The following RPUSD3 variants were observed in gnomAD, a reference collection of about 807,000 sequenced individuals.
The protein encoded by RPUSD3 is mitochondrial mRNA pseudouridine synthase RPUSD3.
RPUSD3 carries 36 observed loss-of-function variants against 35.1 expected under a neutral mutation model. That is an observed-to-expected ratio of 1.02 (90% CI 0.79 to 1.35). The LOEUF is 1.35. Among genes scored for constraint, RPUSD3 ranks in the 40% most tolerant of loss-of-function variants. The probability of loss-of-function intolerance (pLI) is 0.00; values close to 1 mark genes in which losing one functional copy is unlikely to be tolerated. For missense variants in RPUSD3, 486 were observed against 441.9 expected, an observed-to-expected ratio of 1.10 and a Z score of -0.89; for synonymous variants, 202 against 187.8, an observed-to-expected ratio of 1.08 and a Z score of -0.62.
At chr3:9,838,857 G>C in intron 8 of RPUSD3, 175 bp downstream of exon 8, 1 of 712,076 alleles carries the variant, frequency 1.4e-6, no homozygotes, top group South Asian at 1.8e-5. Flanking sequence ...GCCCAAGAGA[G>C]TGAGTGTTAC....
At chr3:9,839,858 G>A (rs983145891) in intron 7 of RPUSD3, 8 of 213,272 alleles carry the variant, frequency 3.8e-5, no homozygotes, top group Middle Eastern at 1.7e-3. Flanking sequence ...GATTACAGGC[G>A]TGAGCCACCG....
intron 2 of RPUSD3, chr3:9,843,263 C>G (rs2082128907): frequency 3.0e-6 from 2 of 671,146 alleles, no homozygotes. Flanking sequence ...TTATTTGCAT[C>G]TTCTCCCCAC....
exon 4 of RPUSD3, chr3:9,842,076 G>A (rs1479087119): frequency 1.2e-6 from 2 of 1,609,788 alleles, no homozygotes; most frequent in Non-Finnish European, 1.7e-6. Context: ...CAGCTCTCCT[G>A]GTTTTCCTGG....
intron 2 of RPUSD3, chr3:9,843,233 C>T (rs1057495948): frequency 1.7e-6 from 1 of 589,464 alleles, no homozygotes; most frequent in African/African-American, 1.9e-5. Context: ...TGAGCGCCGG[C>T]TATGTGCAAG....
chr3:9,838,691 G>A (rs2082059731), intron 8 of RPUSD3, among the ~76,000 whole-genome samples: 1 of 152,190 alleles, frequency 6.6e-6, no homozygotes, highest in African/African-American at 2.4e-5. Flanking sequence ...GACTCTGGTA[G>A]TCTGGGCTTA....
chr3:9,839,582 GTT>G (rs146337360), intron 7 of RPUSD3: 8 of 144,688 alleles, frequency 5.5e-5, no homozygotes, highest in South Asian at 2.2e-4. Flanking sequence ...GCCAAGTGCA[GTT>G]TTTTTTTTTT....
Position 9,843,464 on chromosome 3 carries a change from C to G in RPUSD3, c.262+1G>C. Reference sequence around the variant, plus strand: ...GTGCGGCCGTGCCTCTCACCCCTCACCTTTCCGGTCCACCACGGCTGCCCG... The same window carrying G: ...GTGCGGCCGTGCCTCTCACCCCTCAGCTTTCCGGTCCACCACGGCTGCCCG... On this transcript the variant is annotated splice_donor_variant, in intron 2 of 8. Transcript: ENST00000383820. LOFTEE classifies it high-confidence loss of function. 10 of 1,613,948 alleles carry G rather than the reference C, an allele frequency of 6.2e-6. No homozygotes were observed. Among genetic ancestry groups the G allele is most frequent in the Non-Finnish European group, 8.5e-6 (10 of 1,179,938 alleles).
In RPUSD3 at chr3:9,843,228, G is replaced by C. The variant is rs938833717; in HGVS notation, c.262+237C>G. On this transcript the variant is annotated intron_variant, in intron 2 of 8. Coordinates refer to ENST00000383820, the Ensembl canonical transcript of RPUSD3. ...AGTATAGCAACTCCCGTAACTGAGCGCCGGCTATGTGCAAGGCTCGGTAGT... is the reference window on the plus strand; with the variant it reads ...AGTATAGCAACTCCCGTAACTGAGCCCCGGCTATGTGCAAGGCTCGGTAGT... 7 of 576,996 alleles carry C rather than the reference G, an allele frequency of 1.2e-5. No homozygotes were observed. In the African/African-American group the frequency reaches 1.3e-4, roughly 11 times the overall value. The allele number at this position is 576,996 out of a possible 1,614,324, so 35.7% of individuals were successfully genotyped here. A position where few individuals can be genotyped will look rare whatever the true frequency, so the allele number is the denominator to read the frequency against.
At chr3:9,838,978 T>A in intron 8 of RPUSD3, 54 bp downstream of exon 8, 1 of 1,612,348 alleles carries the variant, frequency 6.2e-7, no homozygotes, top group Non-Finnish European at 8.5e-7. Flanking sequence ...ATGCTGCCCA[T>A]GCTCACCTCT....
Position 9,843,850 on chromosome 3 carries a change from C to G in RPUSD3, c.125+40G>C, listed in dbSNP as rs992905543. On this transcript the variant is annotated intron_variant, in intron 1 of 8. Transcript: ENST00000383820. ...ATCCCGCACGTGCCTTCCCCCTGCCCTAGCCTCCGTCCCGCATGAGAGAGG... is the reference window on the plus strand; with the variant it reads ...ATCCCGCACGTGCCTTCCCCCTGCCGTAGCCTCCGTCCCGCATGAGAGAGG... 5.1e-6 allele frequency: 8 copies of G among 1,573,968 alleles called. No homozygotes were observed. The African/African-American group carries it at 8.1e-5, about 16-fold the overall frequency.
intron 7 of RPUSD3, 72 bp downstream of exon 7, chr3:9,840,112 C>A: frequency 6.4e-7 from 1 of 1,562,368 alleles, no homozygotes; most frequent in Non-Finnish European, 8.7e-7. Context: ...GAACTCCTGA[C>A]CTCGTGATCC....
At chr3:9,840,365 C>A (rs763905735) in intron 6 of RPUSD3, 58 bp from the exon 7 acceptor site, 2 of 1,613,878 alleles carry the variant, frequency 1.2e-6, no homozygotes, top group African/African-American at 2.7e-5. Flanking sequence ...TATACCCAGA[C>A]CCTCCCTGCT....
exon 9 of RPUSD3, chr3:9,837,877 C>A: frequency 1.2e-6 from 1 of 844,244 alleles, no homozygotes; most frequent in Non-Finnish European, 1.8e-6. Flanking sequence ...TATCACAAGT[C>A]CAGAGAGGTA....
chr3:9,843,766 G>A (rs766598589), intron 1 of RPUSD3, 124 bp downstream of exon 1: 1 of 1,540,826 alleles, frequency 6.5e-7, no homozygotes, highest in African/African-American at 1.4e-5. Context: ...TACAGCGGAG[G>A]GCACCGAGGC....
At chr3:9,841,080 A>G in intron 4 of RPUSD3, 1 of 262,366 alleles carries the variant, frequency 3.8e-6, no homozygotes, top group Non-Finnish European at 7.3e-6. Flanking sequence ...GAAATTCTGT[A>G]CATATTAGCT....
chr3:9,843,520 G>GT lies in RPUSD3; in HGVS notation c.206dup (p.Asn69LysfsTer9). 3 of 1,614,030 alleles carry GT rather than the reference G, an allele frequency of 1.9e-6. No homozygotes were observed. The highest frequency in any genetic ancestry group is 8.5e-7 in the Non-Finnish European group (1 of 1,180,004). On this transcript the variant is annotated frameshift_variant, in exon 2 of 9. Coordinates refer to ENST00000383820, the Ensembl canonical transcript of RPUSD3. LOFTEE classifies it high-confidence loss of function. The stretch of plus-strand genomic sequence containing the variant: ...CATCAACCAGCTCCTCCCGACTGAG[G>GT]TTTTTTGGCAGCAGCCCCGCGAAGG...
intron 7 of RPUSD3, 200 bp downstream of exon 7, chr3:9,839,984 G>A (rs1001033478): frequency 1.5e-5 from 8 of 527,252 alleles, no homozygotes; most frequent in African/African-American, 5.8e-5. Flanking sequence ...AGGTTCAAGC[G>A]ATTCTCCTGC....
In RPUSD3 at chr3:9,843,604, G is replaced by A. The variant is rs776435894; in HGVS notation, c.126-3C>T. ...AGCCGCGGGGTTGCCTCTGATGCCT[G>A]GACAAGGAGGGAGAAGCAATGGGAG... On this transcript the variant is annotated splice_polypyrimidine_tract_variant and splice_region_variant and intron_variant, in intron 1 of 8. Coordinates refer to ENST00000383820, the Ensembl canonical transcript of RPUSD3. The A allele has an allele frequency of 3.1e-6, 5 of 1,613,426 alleles. No individual in the cohort carries two copies. In the South Asian group the frequency reaches 4.4e-5, roughly 14 times the overall value.
At chr3:9,838,201 C>G in exon 9 of RPUSD3, 3 of 1,611,894 alleles carry the variant, frequency 1.9e-6, no homozygotes, top group Non-Finnish European at 2.5e-6. Flanking sequence ...AGGGCTTCAT[C>G]CAGGACCTGG....
Sources: allele counts gnomAD v4.1 joint callset (sites outside exome capture counted in the v4.1 genomes callset), GRCh38; gene constraint gnomAD v4.1.1; transcripts MANE v1.5; gene names NCBI Gene and HGNC (gene_info 2026-07-23, HGNC 2026-07-21).